The following HECW1 variants were observed in gnomAD, a reference collection of about 807,000 sequenced individuals.
HECW1 encodes E3 ubiquitin-protein ligase HECW1.
A neutral mutation model predicts 182.3 loss-of-function variants in HECW1; 61 were observed. The ratio of observed to expected loss-of-function variants is 0.33; its 90% CI spans 0.27 to 0.41. The LOEUF (loss-of-function observed/expected upper bound fraction) is 0.41. HECW1 is among the 10% of genes least tolerant of loss of function. HECW1 has a pLI of 1.00. For missense variants in HECW1, 1,739 were observed against 2,108.9 expected, an observed-to-expected ratio of 0.82 and a Z score of 3.44; for synonymous variants, 859 against 832.6, an observed-to-expected ratio of 1.03 and a Z score of -0.55.
intron 1 of HECW1, chr7:43,113,523 G>A: frequency 5.8e-6 from 1 of 172,092 alleles, no homozygotes; most frequent in Admixed American, 6.4e-5. Flanking sequence ...GGGAGGAGGC[G>A]CTGTGTGGGT....
chr7:43,278,541 C>T (rs1010610778), intron 3 of HECW1, among the ~76,000 whole-genome samples: 1 of 152,150 alleles, frequency 6.6e-6, no homozygotes. Context: ...CTTCCCTGTT[C>T]AGAGCCTCAG....
chr7:43,170,656 G>A (rs1158638844), intron 2 of HECW1, among the ~76,000 whole-genome samples: 4 of 152,176 alleles, frequency 2.6e-5, no homozygotes, highest in African/African-American at 7.2e-5. Flanking sequence ...AAAGGTGCAT[G>A]GTATGTATTA....
chr7:43,187,022 A>G (rs1157978206), intron 2 of HECW1, among the ~76,000 whole-genome samples: 1 of 152,198 alleles, frequency 6.6e-6, no homozygotes, highest in Non-Finnish European at 1.5e-5. Context: ...CTTATCTGGA[A>G]GGCTCTGCCT....
At chr7:43,270,891 T>C (rs1210104626) in intron 3 of HECW1, among the ~76,000 whole-genome samples, 2 of 152,158 alleles carry the variant, frequency 1.3e-5, no homozygotes, top group African/African-American at 2.4e-5. Context: ...TACCTAGAGA[T>C]AACTTTGAAA....
At chr7:43,514,979 A>G (rs187439943) in intron 24 of HECW1, among the ~76,000 whole-genome samples, 2 of 152,344 alleles carry the variant, frequency 1.3e-5, no homozygotes, top group East Asian at 3.9e-4. Context: ...TTCAAAGGCA[A>G]AGTCAGATAT....
chr7:43,466,972 T>G (rs936814205), intron 15 of HECW1, among the ~76,000 whole-genome samples: 2 of 152,268 alleles, frequency 1.3e-5, no homozygotes, highest in African/African-American at 2.4e-5. Context: ...GGTTTCCTTT[T>G]GATATGGTTT....
chr7:43,378,025 A>C (rs985840089), intron 6 of HECW1: 24 of 176,788 alleles, frequency 1.4e-4, no homozygotes, highest in Non-Finnish European at 2.7e-4. Context: ...ACACATAGTC[A>C]CTAATAAATA....
intron 21 of HECW1, 72 bp from the exon 22 acceptor site, chr7:43,507,065 T>G (rs2079610399): frequency 4.5e-6 from 7 of 1,547,788 alleles, no homozygotes; most frequent in East Asian, 2.3e-5. Context: ...GCGAGACTCC[T>G]TCTCAAAAAA....
intron 6 of HECW1, among the ~76,000 whole-genome samples, chr7:43,386,362 TC>T (rs2074797454): frequency 6.6e-6 from 1 of 151,824 alleles, no homozygotes; most frequent in South Asian, 2.1e-4. Context: ...CTCAGAAGGG[TC>T]CCCCTAGTCA....
At chr7:43,434,496 T>C (rs2076649278) in intron 8 of HECW1, among the ~76,000 whole-genome samples, 1 of 152,204 alleles carries the variant, frequency 6.6e-6, no homozygotes. Flanking sequence ...CAAAGGTTCT[T>C]TAGAGGCTTG....
chr7:43,489,586 C>G (rs1470534426), intron 17 of HECW1, among the ~76,000 whole-genome samples: 1 of 152,224 alleles, frequency 6.6e-6, no homozygotes, highest in East Asian at 1.9e-4. Context: ...CAAAGTGGCA[C>G]AAAATCTACT....
chr7:43,186,367 A>C (rs1350729261), intron 2 of HECW1, among the ~76,000 whole-genome samples: 1 of 152,190 alleles, frequency 6.6e-6, no homozygotes, highest in Non-Finnish European at 1.5e-5. Flanking sequence ...TAGTGGTCCC[A>C]TTAAGATTAT....
intron 2 of HECW1, among the ~76,000 whole-genome samples, chr7:43,164,924 A>C (rs530029598): frequency 7.2e-5 from 11 of 152,344 alleles, no homozygotes; most frequent in African/African-American, 2.6e-4. Context: ...CTTAAGAGTG[A>C]AGAGTCATGG....
intron 4 of HECW1, among the ~76,000 whole-genome samples, chr7:43,317,727 G>T (rs998169119): frequency 2.6e-5 from 4 of 152,104 alleles, no homozygotes; most frequent in Non-Finnish European, 1.5e-5. Context: ...GAGGGAAGGG[G>T]ATGCTTATCA....
intron 8 of HECW1, among the ~76,000 whole-genome samples, chr7:43,424,412 G>C (rs2076290069): frequency 6.6e-6 from 1 of 152,170 alleles, no homozygotes; most frequent in Non-Finnish European, 1.5e-5. Context: ...TTGAGCCCAG[G>C]AGTTCAAGAC....
intron 3 of HECW1, among the ~76,000 whole-genome samples, chr7:43,246,700 C>T (rs927479455): frequency 6.6e-6 from 1 of 152,312 alleles, no homozygotes; most frequent in South Asian, 2.1e-4. Context: ...ATCAAAGGCC[C>T]TCTGTGGAGA....
At chr7:43,548,758 A>G (rs2081669856) in intron 26 of HECW1, among the ~76,000 whole-genome samples, 1 of 152,196 alleles carries the variant, frequency 6.6e-6, no homozygotes, top group Non-Finnish European at 1.5e-5. Context: ...CCTGGCCAAC[A>G]TGGCGAAACC....
intron 3 of HECW1, among the ~76,000 whole-genome samples, chr7:43,289,916 A>G (rs113543852): frequency 8.5e-5 from 13 of 152,184 alleles, no homozygotes; most frequent in African/African-American, 3.1e-4. Flanking sequence ...TTAGTTGACA[A>G]TTGGTTGAGA....
chr7:43,311,222 C>T (rs1161530036), intron 3 of HECW1, among the ~76,000 whole-genome samples: 1 of 152,168 alleles, frequency 6.6e-6, no homozygotes, highest in Non-Finnish European at 1.5e-5. Flanking sequence ...TTCATACAGC[C>T]CGAAGGCATT....
Sources: allele counts gnomAD v4.1 joint callset (sites outside exome capture counted in the v4.1 genomes callset), GRCh38; gene constraint gnomAD v4.1.1; transcripts MANE v1.5; gene names NCBI Gene and HGNC (gene_info 2026-07-23, HGNC 2026-07-21).